The following IMMP2L variants were observed in gnomAD, a reference collection of about 807,000 sequenced individuals.
The protein encoded by IMMP2L is inner mitochondrial membrane peptidase subunit 2.
A neutral mutation model predicts 19.3 loss-of-function variants in IMMP2L; 18 were observed. The ratio of observed to expected loss-of-function variants is 0.93; its 90% confidence interval spans 0.64 to 1.38. IMMP2L has a LOEUF of 1.38. Among genes scored for constraint, IMMP2L ranks in the 40% most tolerant of loss-of-function variants. The pLI, the probability that IMMP2L is intolerant of heterozygous loss-of-function variation, is 0.00. For synonymous variants in IMMP2L, 76 were observed against 73.0 expected, an observed-to-expected ratio of 1.04 and a Z score of -0.21; for missense variants, 233 against 218.2, an observed-to-expected ratio of 1.07 and a Z score of -0.43.
chr7:111,002,217 A>G (rs1215432887), intron 3 of IMMP2L, among the ~76,000 whole-genome samples: 1 of 152,186 alleles, frequency 6.6e-6, no homozygotes, highest in Non-Finnish European at 1.5e-5. Flanking sequence ...CACAAGGTAT[A>G]GGTAAAAATT....
chr7:111,087,510 G>C (rs964558491), intron 3 of IMMP2L, among the ~76,000 whole-genome samples: 1 of 149,708 alleles, frequency 6.7e-6, no homozygotes, highest in Non-Finnish European at 1.5e-5. Flanking sequence ...AACTGGAATA[G>C]GTATAATTTA....
At chr7:111,498,515 TCCTAA>T (rs1413066135) in intron 2 of IMMP2L, among the ~76,000 whole-genome samples, 4 of 151,682 alleles carry the variant, frequency 2.6e-5, no homozygotes, top group Non-Finnish European at 5.9e-5. Flanking sequence ...CTTTTCTGTC[TCCTAA>T]CCTAATTAAA....
chr7:111,240,114 T>C (rs1423937085), intron 3 of IMMP2L, among the ~76,000 whole-genome samples: 1 of 151,924 alleles, frequency 6.6e-6, no homozygotes, highest in Non-Finnish European at 1.5e-5. Flanking sequence ...GTAGCAGCTC[T>C]TAAGGAAACA....
intron 3 of IMMP2L, among the ~76,000 whole-genome samples, chr7:111,021,001 G>T (rs1826218271): frequency 1.3e-5 from 2 of 152,244 alleles, no homozygotes; most frequent in African/African-American, 4.8e-5. Context: ...AAGTAAAATA[G>T]ATCAAGTATT....
At position 111,384,587 on chromosome 7, in the gene IMMP2L, T is replaced by C. The variant is rs529763496; in HGVS notation, c.239+102651A>G. ...AAAGAAGACAGAAAGAAGGAGATCCTGAAGGCCTTTGTATAATAGGTAAAA... is the reference window on the plus strand; with the variant it reads ...AAAGAAGACAGAAAGAAGGAGATCCCGAAGGCCTTTGTATAATAGGTAAAA... On this transcript the variant is annotated intron_variant, in intron 3 of 5. Coordinates refer to ENST00000405709, the MANE Select transcript of IMMP2L (RefSeq NM_032549.4). 6.6e-5 allele frequency among the ~76,000 whole-genome samples: 10 copies of C among 152,178 alleles called. No homozygotes were observed. In the South Asian group the frequency reaches 1.9e-3, roughly 28 times the overall value.
At chr7:111,000,602 G>C (rs1046004213) in intron 3 of IMMP2L, among the ~76,000 whole-genome samples, 1 of 152,180 alleles carries the variant, frequency 6.6e-6, no homozygotes, top group Non-Finnish European at 1.5e-5. Context: ...CCAGTGCTTT[G>C]GGAGACCAAG....
At chr7:110,729,784 G>A (rs1796129860) in intron 5 of IMMP2L, among the ~76,000 whole-genome samples, 1 of 152,176 alleles carries the variant, frequency 6.6e-6, no homozygotes, top group Non-Finnish European at 1.5e-5. Flanking sequence ...GGGAGGGAGA[G>A]CATCAGGAAG....
At chr7:111,423,125 T>A (rs1194717707) in intron 3 of IMMP2L, among the ~76,000 whole-genome samples, 1 of 151,908 alleles carries the variant, frequency 6.6e-6, no homozygotes, top group African/African-American at 2.4e-5. Context: ...TTTGCCAGTA[T>A]TTTATTGAGG....
chr7:111,103,137 A>T (rs780192785), intron 3 of IMMP2L, among the ~76,000 whole-genome samples: 1 of 151,604 alleles, frequency 6.6e-6, no homozygotes, highest in Non-Finnish European at 1.5e-5. Flanking sequence ...AACAATATCT[A>T]TTAGACTTTG....
At chr7:111,063,054 C>A (rs150842873) in intron 3 of IMMP2L, among the ~76,000 whole-genome samples, 2 of 152,362 alleles carry the variant, frequency 1.3e-5, no homozygotes, top group African/African-American at 4.8e-5. Flanking sequence ...GGACTCCCAC[C>A]TCACATTTCC....
intron 5 of IMMP2L, among the ~76,000 whole-genome samples, chr7:110,719,539 A>G (rs1795442275): frequency 6.6e-6 from 1 of 152,190 alleles, no homozygotes; most frequent in South Asian, 2.1e-4. Flanking sequence ...GTACTTCTCA[A>G]AATATATCCT....
intron 3 of IMMP2L, among the ~76,000 whole-genome samples, chr7:111,253,402 G>C (rs1374981247): frequency 6.6e-6 from 1 of 152,100 alleles, no homozygotes; most frequent in Non-Finnish European, 1.5e-5. Flanking sequence ...GTGAGCATTA[G>C]GGAGGGCTGT....
At position 110,828,071 on chromosome 7, in the gene IMMP2L, C is replaced by T. The variant is rs143847900; in HGVS notation, c.408+58522G>A. On this transcript the variant is annotated intron_variant, in intron 5 of 5. Transcript: ENST00000405709. ...AGTGCTCCTATCCAGATTTTTTAGTCATCTCTCCTCTAAGCCAGAGGTCAG... is the reference window on the plus strand; with the variant it reads ...AGTGCTCCTATCCAGATTTTTTAGTTATCTCTCCTCTAAGCCAGAGGTCAG... Among the ~76,000 whole-genome samples the T allele has an allele frequency of 1.7e-3, 255 of 152,198 alleles. 1 individual carries two copies. The highest frequency in any genetic ancestry group is 5.9e-3 in the African/African-American group (243 of 41,536).
At chr7:111,328,173 TCTC>T (rs1236839681) in intron 3 of IMMP2L, among the ~76,000 whole-genome samples, 14 of 151,762 alleles carry the variant, frequency 9.2e-5, no homozygotes, top group African/African-American at 3.4e-4. Context: ...CTCAGAGTAT[TCTC>T]CTATAAGCTC....
At chr7:110,768,643 C>T (rs56043970) in intron 5 of IMMP2L, among the ~76,000 whole-genome samples, 9,356 of 152,222 alleles carry the variant, frequency 0.061, 488 homozygotes, top group African/African-American at 0.13. Context: ...GCCTCCCTCC[C>T]GGGCCAGCTT....
intron 3 of IMMP2L, among the ~76,000 whole-genome samples, chr7:111,168,999 T>G (rs1409443783): frequency 1.3e-5 from 2 of 151,884 alleles, no homozygotes; most frequent in African/African-American, 4.8e-5. Context: ...TATAACTAAC[T>G]CCATTTTTGT....
chr7:111,561,123 T>C (rs1452244378), intron 1 of IMMP2L, among the ~76,000 whole-genome samples: 1 of 152,022 alleles, frequency 6.6e-6, no homozygotes, highest in Non-Finnish European at 1.5e-5. Context: ...AGGGAAGCAG[T>C]GTATTAAAGA....
At chr7:110,783,302 T>C (rs1197440569) in intron 5 of IMMP2L, among the ~76,000 whole-genome samples, 1 of 151,814 alleles carries the variant, frequency 6.6e-6, no homozygotes, top group Admixed American at 6.6e-5. Context: ...CTTTATCAAG[T>C]AGGTACCAAC....
chr7:110,962,810 ACTTCC>A (rs1819107431), intron 4 of IMMP2L: 1 of 1,199,340 alleles, frequency 8.3e-7, no homozygotes, highest in Non-Finnish European at 1.0e-6. Context: ...GGGTCAGAAA[ACTTCC>A]TCAATGTAGT....
Sources: gnomAD v4.1 joint callset for allele counts (sites outside exome capture counted in the v4.1 genomes callset) on GRCh38, gnomAD v4.1.1 for gene constraint, MANE v1.5 for transcripts, NCBI Gene and HGNC (gene_info 2026-07-23, HGNC 2026-07-21) for gene names.